Variants in KDM4C observed in about 807,000 individuals in gnomAD.
KDM4C encodes the protein lysine demethylase 4C.
KDM4C carries 81 observed loss-of-function variants against 129.3 expected under a neutral mutation model. The ratio of observed to expected loss-of-function variants is 0.63; its 90% CI spans 0.52 to 0.75. The LOEUF (loss-of-function observed/expected upper bound fraction) is 0.75, where lower values mean the gene tolerates loss of function less well. KDM4C is among the 30% of genes least tolerant of loss of function. KDM4C has a pLI of 0.00. For missense variants in KDM4C, 1,457 were observed against 1,304.0 expected, an observed-to-expected ratio of 1.12 and a Z score of -1.81; for synonymous variants, 573 against 456.1, an observed-to-expected ratio of 1.26 and a Z score of -3.26.
At chr9:7,146,938 A>G (rs1440419127) in intron 19 of KDM4C, among the ~76,000 whole-genome samples, 1 of 152,176 alleles carries the variant, frequency 6.6e-6, no homozygotes, top group Admixed American at 6.5e-5. Flanking sequence ...TTTTAATCCC[A>G]AAGGTGGCCT....
chr9:6,907,209 G>A (rs939986092), intron 8 of KDM4C, among the ~76,000 whole-genome samples: 2 of 152,160 alleles, frequency 1.3e-5, no homozygotes, highest in Admixed American at 1.3e-4. Context: ...TACTTCTTTA[G>A]CATGAAGCTG....
At chr9:7,114,409 C>T (rs939021381) in intron 18 of KDM4C, among the ~76,000 whole-genome samples, 1 of 152,120 alleles carries the variant, frequency 6.6e-6, no homozygotes, top group East Asian at 1.9e-4. Context: ...ACATTTTAAA[C>T]TTAATTAGAA....
At chr9:6,953,946 T>G (rs1469846182) in intron 8 of KDM4C, among the ~76,000 whole-genome samples, 1 of 152,212 alleles carries the variant, frequency 6.6e-6, no homozygotes, top group African/African-American at 2.4e-5. Context: ...AGTTTTTATA[T>G]TAAAGTCTTC....
At chr9:6,990,354 T>C in intron 11 of KDM4C, 62 bp from the exon 12 acceptor site, 1 of 1,112,374 alleles carries the variant, frequency 9.0e-7, no homozygotes, top group South Asian at 1.3e-5. Context: ...CTGTAGGGTT[T>C]TTTTTTTTTG....
At chr9:6,856,584 T>TGTA (rs1564171899) in intron 5 of KDM4C, among the ~76,000 whole-genome samples, 12 of 103,532 alleles carry the variant, frequency 1.2e-4, no homozygotes, top group Middle Eastern at 4.6e-3. Context: ...GTGTGTGTAT[T>TGTA]TTTTTTTGAG....
chr9:7,022,638 T>TTTCC (rs57337164), intron 15 of KDM4C, among the ~76,000 whole-genome samples: 1 of 52,414 alleles, frequency 1.9e-5, no homozygotes, highest in Non-Finnish European at 4.2e-5. Context: ...CCTTTATTTC[T>TTTCC]TTTTTTTTTT....
In KDM4C at chr9:7,077,100, G is replaced by A. The variant is rs536567081; in HGVS notation, c.2425-26585G>A. The A allele has an allele frequency of 1.1e-5, 11 of 985,406 alleles. No individual in the cohort carries two copies. In the South Asian group the frequency reaches 4.7e-4, roughly 42 times the overall value. 61.0% of individuals were successfully genotyped at this position (985,406 alleles called of 1,614,324 possible). On this transcript the variant is annotated intron_variant, in intron 17 of 21. Coordinates refer to ENST00000381309, the MANE Select transcript of KDM4C (RefSeq NM_015061.6). ...ACTCATTCATCAAAGTTCTATCTGG[G>A]TGATATATGCTATCGAAACAGATGT...
intron 3 of KDM4C, among the ~76,000 whole-genome samples, chr9:6,807,075 AGACGGG>A (rs1349457852): frequency 1.3e-5 from 2 of 151,906 alleles, no homozygotes; most frequent in Admixed American, 6.5e-5. Flanking sequence ...GTTTTGGTGG[AGACGGG>A]GTTTCGCTGT....
intron 17 of KDM4C, among the ~76,000 whole-genome samples, chr9:7,100,595 C>T (rs1836964221): frequency 6.6e-6 from 1 of 152,142 alleles, no homozygotes; most frequent in Admixed American, 6.5e-5. Context: ...CTGCCTCAGC[C>T]TCCCAAAGTA....
intron 8 of KDM4C, among the ~76,000 whole-genome samples, chr9:6,899,424 C>T (rs961822952): frequency 3.9e-5 from 6 of 152,096 alleles, no homozygotes; most frequent in Admixed American, 3.9e-4. Flanking sequence ...TTAGGGCTCA[C>T]TCTGGGTGTT....
intron 8 of KDM4C, among the ~76,000 whole-genome samples, chr9:6,903,418 G>T (rs1263629801): frequency 6.6e-6 from 1 of 152,164 alleles, no homozygotes; most frequent in Non-Finnish European, 1.5e-5. Flanking sequence ...GGAGAATGTA[G>T]TTGGTAGAGT....
intron 5 of KDM4C, among the ~76,000 whole-genome samples, chr9:6,851,989 A>G (rs1481354861): frequency 3.9e-5 from 6 of 152,210 alleles, no homozygotes; most frequent in South Asian, 4.1e-4. Context: ...TACTGTCACT[A>G]TTATCCTTAA....
chr9:6,993,433 C>T (rs10815503), intron 12 of KDM4C, among the ~76,000 whole-genome samples: 109,146 of 152,154 alleles, frequency 0.72, 39,531 homozygotes, highest in South Asian at 0.84. Flanking sequence ...CTTTTTATTG[C>T]CCAGTTGTTT....
At chr9:7,070,735 A>T (rs1211228630) in intron 17 of KDM4C, among the ~76,000 whole-genome samples, 1 of 152,156 alleles carries the variant, frequency 6.6e-6, no homozygotes, top group Non-Finnish European at 1.5e-5. Context: ...TTACAAAAAA[A>T]CCTACTGCGA....
intron 1 of KDM4C, among the ~76,000 whole-genome samples, chr9:6,760,658 C>A (rs1303400056): frequency 6.6e-6 from 1 of 151,878 alleles, no homozygotes; most frequent in Non-Finnish European, 1.5e-5. Flanking sequence ...GCAAGCTCCG[C>A]CTCCTGGGTT....
intron 14 of KDM4C, among the ~76,000 whole-genome samples, chr9:7,014,510 G>T (rs1221412820): frequency 6.6e-6 from 1 of 152,100 alleles, no homozygotes; most frequent in Non-Finnish European, 1.5e-5. Context: ...CCTGCACTGG[G>T]ATAGTCTCCA....
At chr9:6,731,323 TG>T (rs948192939) in intron 1 of KDM4C, among the ~76,000 whole-genome samples, 1 of 122,188 alleles carries the variant, frequency 8.2e-6, no homozygotes, top group African/African-American at 3.2e-5. Flanking sequence ...ATTTTTTTTT[TG>T]CTTTTTTTTT....
At chr9:7,032,050 T>C (rs1254446975) in intron 15 of KDM4C, among the ~76,000 whole-genome samples, 1 of 152,218 alleles carries the variant, frequency 6.6e-6, no homozygotes, top group African/African-American at 2.4e-5. Flanking sequence ...AACTGGTAAC[T>C]CTTGACATCT....
intron 19 of KDM4C, among the ~76,000 whole-genome samples, chr9:7,148,650 T>C (rs1842438775): frequency 6.6e-6 from 1 of 152,182 alleles, no homozygotes; most frequent in Non-Finnish European, 1.5e-5. Context: ...CAAGTTCTTG[T>C]CCTGCGTCCA....
Sources: allele counts gnomAD v4.1 joint callset (sites outside exome capture counted in the v4.1 genomes callset), GRCh38; gene constraint gnomAD v4.1.1; transcripts MANE v1.5; gene names NCBI Gene and HGNC (gene_info 2026-07-23, HGNC 2026-07-21).